Variants in OTOF observed in about 807,000 individuals in gnomAD.
OTOF encodes the protein otoferlin, also known as fer-1-like family member 2.
In OTOF, 218 loss-of-function variants were observed where a neutral mutation model predicts 236.8. The observed-to-expected ratio is 0.92, with a 90% CI of 0.82 to 1.03. The LOEUF is 1.03. Among genes scored for constraint, OTOF ranks in the 50% least tolerant of loss-of-function variants. OTOF has a pLI of 0.00. For synonymous variants in OTOF, 1,041 were observed against 1,072.5 expected (o/e 0.97, Z 0.57); for missense variants, 2,590 against 2,694.4 (o/e 0.96, Z 0.86).
In OTOF at chr2:26,480,246, G is replaced by A. The variant is rs770291513; in HGVS notation, c.1869C>T (p.Asp623=). ...FGAFLEASMI[D]RRNGDKPITF... ...TGATGGGCTTGTCTCCGTTTCTCCG[G>A]TCGATCATTGAGGCCTCCAGGAAGG... Residue 623 remains aspartate, a synonymous_variant, in exon 16 of 47, where the codon GAC becomes GAT. Transcript: ENST00000272371. 11 of 1,612,946 alleles carry A rather than the reference G, an allele frequency of 6.8e-6. No homozygotes were observed. In the South Asian group the frequency reaches 7.7e-5, roughly 11 times the overall value.
At chr2:26,490,802 C>T (rs1040142160) in intron 9 of OTOF, among the ~76,000 whole-genome samples, 1 of 152,124 alleles carries the variant, frequency 6.6e-6, no homozygotes, top group African/African-American at 2.4e-5. Context: ...ACTTGGGGGG[C>T]TTCAAGGTGT....
intron 22 of OTOF, 55 bp downstream of exon 22, chr2:26,476,831 TGGGGG>T: frequency 2.0e-5 from 29 of 1,486,542 alleles, no homozygotes; most frequent in Non-Finnish European, 2.7e-5. Flanking sequence ...CAGCCCCAGG[TGGGGG>T]CTGCTGCTCC....
At chr2:26,503,937 T>A in intron 5 of OTOF, 92 bp from the exon 6 acceptor site, 1 of 1,141,750 alleles carries the variant, frequency 8.8e-7, no homozygotes, top group Non-Finnish European at 1.3e-6. Context: ...AGAGAACACA[T>A]CAGAGAAGGG....
At chr2:26,478,249 C>A (rs1033488334) in intron 18 of OTOF, among the ~76,000 whole-genome samples, 1 of 152,224 alleles carries the variant, frequency 6.6e-6, no homozygotes, top group South Asian at 2.1e-4. Context: ...TGTACCCCAG[C>A]TCCTTAGGGG....
chr2:26,557,063 C>G (rs1667609536), intron 1 of OTOF, among the ~76,000 whole-genome samples: 1 of 152,202 alleles, frequency 6.6e-6, no homozygotes, highest in Non-Finnish European at 1.5e-5. Context: ...CTAACCTCCG[C>G]CTGCCGGCAG....
intron 2 of OTOF, among the ~76,000 whole-genome samples, chr2:26,534,682 G>A (rs187765696): frequency 6.8e-4 from 103 of 152,208 alleles, no homozygotes; most frequent in East Asian, 6.8e-3. Flanking sequence ...TGACAGTCCC[G>A]TGGGGCAGAT....
Position 26,480,841 on chromosome 2 carries a change from G to T in OTOF, c.1748C>A (p.Pro583His). The T allele has an allele frequency of 1.2e-6, 2 of 1,612,962 alleles. No individual in the cohort carries two copies. Among genetic ancestry groups the T allele is most frequent in the Non-Finnish European group, 1.7e-6 (2 of 1,179,978 alleles). ...LAVEIVDTSNPELTSSTEVQV... is the reference protein window; with the variant it reads ...LAVEIVDTSNHELTSSTEVQV... ...CACCTCTGTGGAGCTGGTGAGCTCA[G>T]GGTTGGAGGTGTCTACGATCTCCAC... The change falls in exon 15 of 47, where the codon CCT (proline) becomes CAT (histidine). Residue 583 changes from proline (P) to histidine (H), a missense_variant. Coordinates refer to ENST00000272371, the MANE Select transcript of OTOF (RefSeq NM_194248.3).
Position 26,467,233 on chromosome 2 carries a change from C to A in OTOF, c.4228G>T (p.Val1410Leu), listed in dbSNP as rs911057526. The A allele has an allele frequency of 6.2e-7, 1 of 1,614,128 alleles. No homozygotes were observed. Among genetic ancestry groups the A allele is most frequent in the South Asian group, 1.1e-5 (1 of 91,074 alleles). Reference sequence around the variant, plus strand: ...TCGGACTCCAGCTCTTTGGGGTATACCTGAGACAGACCAGGCTGTTAGGGG... The same window carrying A: ...TCGGACTCCAGCTCTTTGGGGTATAACTGAGACAGACCAGGCTGTTAGGGG... ...KKKPKIDELK[V>L]YPKELESEFD... Residue 1410 changes from valine (V) to leucine (L), a missense_variant and splice_region_variant, in exon 35 of 47, where the codon GTA (valine) becomes TTA (leucine). Around this residue, in one of 2 missense-constraint regions of OTOF, gnomAD observed 1,211 missense variants for 1,352.8 expected, o/e 0.90. Transcript: ENST00000272371.
chr2:26,535,428 G>C (rs1435294924), intron 2 of OTOF, among the ~76,000 whole-genome samples: 1 of 152,164 alleles, frequency 6.6e-6, no homozygotes, highest in Non-Finnish European at 1.5e-5. Flanking sequence ...GGGGCTCCCA[G>C]GTGGGAAGTG....
In OTOF at chr2:26,482,439, C is replaced by A; in HGVS notation, c.1546G>T (p.Asp516Tyr). ...CCGTCATTAGAAATCTTGCGCAGGTCAATGAAGTGGGTGCCGATGGCCACG... is the reference window on the plus strand; with the variant it reads ...CCGTCATTAGAAATCTTGCGCAGGTAAATGAAGTGGGTGCCGATGGCCACG... ...NDVAIGTHFIDLRKISNDGDK... is the reference protein window; with the variant it reads ...NDVAIGTHFIYLRKISNDGDK... Residue 516 changes from aspartate (D) to tyrosine (Y), a missense_variant, in exon 14 of 47, where the codon GAC becomes TAC. Coordinates refer to ENST00000272371, the MANE Select transcript of OTOF (RefSeq NM_194248.3). 1 of 1,613,358 alleles carries A rather than the reference C, an allele frequency of 6.2e-7. No homozygotes were observed. The highest frequency in any genetic ancestry group is 1.1e-5 in the South Asian group (1 of 91,084).
At chr2:26,528,709 C>T (rs979316117) in intron 2 of OTOF, among the ~76,000 whole-genome samples, 2 of 152,240 alleles carry the variant, frequency 1.3e-5, no homozygotes, top group African/African-American at 4.8e-5. Flanking sequence ...CAGAGCCAGA[C>T]ATCTTCCTAG....
In OTOF at chr2:26,557,721, C is replaced by T. The variant is rs78583294; in HGVS notation, c.79+772G>A. Among the ~76,000 whole-genome samples, 1,211 of 151,800 alleles carry T rather than the reference C, an allele frequency of 8.0e-3. 85 individuals are homozygous for T. In the East Asian group the frequency reaches 0.18, roughly 23 times the overall value. On this transcript the variant is annotated intron_variant, in intron 1 of 46. Coordinates refer to ENST00000272371, the MANE Select transcript of OTOF (RefSeq NM_194248.3). ...TGTTACTTCCTCCGGGAAGCCTTCC[C>T]TGACCACCGGTCACCAGCCTGGGTG... is the stretch of plus-strand genomic sequence containing the variant.
At chr2:26,472,769 G>A in intron 29 of OTOF, 120 bp from the exon 30 acceptor site, 1 of 1,027,526 alleles carries the variant, frequency 9.7e-7, no homozygotes, top group Non-Finnish European at 1.5e-6. Context: ...AGGGAGAGGG[G>A]GACAGGCAGT....
rs760630556 is a variant in OTOF, at chr2:26,558,611, G to A, written c.-40C>T. The A allele has an allele frequency of 4.1e-5, 64 of 1,548,614 alleles. No individual in the cohort carries two copies. Among genetic ancestry groups the A allele is most frequent in the African/African-American group, 1.1e-4 (8 of 73,708 alleles). ...CCTGGCACTGCCAGGCAGGAGCAGC[G>A]GGAAGGAGCTAGCCGGTGGAGCACG... On this transcript the variant is annotated 5_prime_UTR_variant, in exon 1 of 47. Coordinates refer to ENST00000272371, the MANE Select transcript of OTOF (RefSeq NM_194248.3).
At chr2:26,474,723 C>G (rs1191585297) in intron 25 of OTOF, 49 bp from the exon 26 acceptor site, 1 of 1,605,236 alleles carries the variant, frequency 6.2e-7, no homozygotes, top group Non-Finnish European at 8.5e-7. Flanking sequence ...CTGTCCACAC[C>G]TGTGATCTCG....
At chr2:26,508,616 G>A (rs550097737) in intron 5 of OTOF, among the ~76,000 whole-genome samples, 40 of 152,348 alleles carry the variant, frequency 2.6e-4, no homozygotes, top group African/African-American at 9.1e-4. Context: ...CATCATGGAA[G>A]ATGATGGGTG....
chr2:26,481,629 T>C (rs1400846654), intron 14 of OTOF, among the ~76,000 whole-genome samples: 1 of 152,204 alleles, frequency 6.6e-6, no homozygotes, highest in Non-Finnish European at 1.5e-5. Context: ...TGACATAAAA[T>C]TCACCCTTTT....
In OTOF at chr2:26,473,577, G is replaced by A; in HGVS notation, c.3409-10C>T. ...GGCCCCAGAACAGCACCTGGGAGAGGTTGGAGGGTGGGTGCAGAGAAGAGA... is the reference window on the plus strand; with the variant it reads ...GGCCCCAGAACAGCACCTGGGAGAGATTGGAGGGTGGGTGCAGAGAAGAGA... On this transcript the variant is annotated splice_polypyrimidine_tract_variant and intron_variant, in intron 27 of 46. Transcript: ENST00000272371. The surrounding 1 kb of genome is among the most constrained non-coding windows in gnomAD (Gnocchi z 7.2). 6.3e-7 allele frequency: 1 copy of A among 1,597,160 alleles called. No homozygotes were observed. Among genetic ancestry groups the A allele is most frequent in the Admixed American group, 1.7e-5 (1 of 59,498 alleles).
rs1421839607 is a variant in OTOF at position 26,474,583 on chromosome 2, A to G, written c.3218T>C (p.Leu1073Pro). The G allele has an allele frequency of 6.2e-7, 1 of 1,613,214 alleles. No individual in the cohort carries two copies. The highest frequency in any genetic ancestry group is 1.1e-5 in the South Asian group (1 of 91,078). Reference sequence around the variant, plus strand: ...GCCACGGTAGATCTGGTAGTACTCGAGCTGAGGTGGGAAGCGGGGTGGGCA... The same window carrying G: ...GCCACGGTAGATCTGGTAGTACTCGGGCTGAGGTGGGAAGCGGGGTGGGCA... ...AYCPPRFPPQ[L>P]EYYQIYRGNA... The change falls in exon 26 of 47, where the codon CTC becomes CCC. Residue 1073 changes from leucine (L) to proline (P), a missense_variant. Coordinates refer to ENST00000272371, the MANE Select transcript of OTOF (RefSeq NM_194248.3).
Sources: allele counts gnomAD v4.1 joint callset (sites outside exome capture counted in the v4.1 genomes callset), GRCh38; gene constraint gnomAD v4.1.1; regional missense constraint gnomAD v4.1.1; non-coding constraint Gnocchi (gnomAD v3.1); transcripts MANE v1.5; gene names NCBI Gene and HGNC (gene_info 2026-07-23, HGNC 2026-07-21).